The following ELP4 variants were observed in gnomAD, a reference collection of about 807,000 sequenced individuals.
ELP4 encodes the protein elongator complex protein 4.
ELP4 carries 51 observed loss-of-function variants against 48.9 expected under a neutral mutation model. The ratio of observed to expected loss-of-function variants is 1.04; its 90% confidence interval spans 0.83 to 1.32. The LOEUF is 1.32. Ranked by LOEUF, ELP4 falls within the 40% of genes most tolerant of loss-of-function variation. The pLI, the probability that ELP4 is intolerant of heterozygous loss-of-function variation, is 0.00. For missense variants in ELP4, 519 were observed against 514.6 expected (o/e 1.01, Z -0.08); for synonymous variants, 210 against 189.2 (o/e 1.11, Z -0.90).
chr11:31,670,156 C>T (rs1375396776), intron 9 of ELP4, among the ~76,000 whole-genome samples: 1 of 152,064 alleles, frequency 6.6e-6, no homozygotes, highest in Non-Finnish European at 1.5e-5. Context: ...CATTTTTTAG[C>T]TAATCTATAT....
intron 9 of ELP4, among the ~76,000 whole-genome samples, chr11:31,742,447 G>A (rs1419642860): frequency 6.6e-6 from 1 of 152,128 alleles, no homozygotes; most frequent in Non-Finnish European, 1.5e-5. Context: ...ACACATAATT[G>A]TCAGATTCAT....
intron 2 of ELP4, among the ~76,000 whole-genome samples, chr11:31,538,759 C>T (rs529557326): frequency 2.6e-5 from 4 of 152,094 alleles, no homozygotes; most frequent in East Asian, 1.9e-4. Flanking sequence ...TATATTTTCA[C>T]GAGGCATAGT....
chr11:31,772,370 G>A (rs577047215), intron 9 of ELP4, among the ~76,000 whole-genome samples: 10 of 152,108 alleles, frequency 6.6e-5, no homozygotes, highest in East Asian at 3.9e-4. Context: ...TTAGGCCTGC[G>A]TCGACCTCCC....
intron 3 of ELP4, among the ~76,000 whole-genome samples, chr11:31,544,176 G>C (rs548385093): frequency 6.6e-6 from 1 of 152,238 alleles, no homozygotes; most frequent in Non-Finnish European, 1.5e-5. Context: ...TGCACCATGC[G>C]CAAGCCGAAG....
chr11:31,535,352 A>G (rs1203407790), intron 2 of ELP4, among the ~76,000 whole-genome samples: 1 of 151,960 alleles, frequency 6.6e-6, no homozygotes, highest in African/African-American at 2.4e-5. Flanking sequence ...ATTTTATTGA[A>G]TTATTTTTGA....
At chr11:31,563,340 A>T (rs1056735808) in intron 3 of ELP4, among the ~76,000 whole-genome samples, 1 of 152,140 alleles carries the variant, frequency 6.6e-6, no homozygotes, top group African/African-American at 2.4e-5. Flanking sequence ...CTTGGGTTTT[A>T]TTATGCCCTA....
chr11:31,530,796 T>G (rs1240026889), intron 2 of ELP4, among the ~76,000 whole-genome samples: 1 of 152,176 alleles, frequency 6.6e-6, no homozygotes, highest in Non-Finnish European at 1.5e-5. Context: ...GTCACATACT[T>G]TCAGCTCCCT....
intron 9 of ELP4, among the ~76,000 whole-genome samples, chr11:31,759,303 G>A: frequency 6.6e-6 from 1 of 152,028 alleles, no homozygotes; most frequent in East Asian, 1.9e-4. Flanking sequence ...TTTTTCCTTT[G>A]TCCTTAGGTG....
chr11:31,519,348 TAATC>T (rs1456404433), intron 1 of ELP4, among the ~76,000 whole-genome samples: 2 of 152,224 alleles, frequency 1.3e-5, no homozygotes, highest in African/African-American at 2.4e-5. Flanking sequence ...ATTTCTATAA[TAATC>T]TTTGTTGTAC....
intron 9 of ELP4, among the ~76,000 whole-genome samples, chr11:31,771,178 T>G (rs1424074442): frequency 6.6e-6 from 1 of 152,132 alleles, no homozygotes; most frequent in Non-Finnish European, 1.5e-5. Flanking sequence ...AGGCACGAGA[T>G]TAAGAACCAC....
chr11:31,558,453 T>A (rs1419780466), intron 3 of ELP4, among the ~76,000 whole-genome samples: 1 of 152,212 alleles, frequency 6.6e-6, no homozygotes, highest in African/African-American at 2.4e-5. Flanking sequence ...TTAGCATTGA[T>A]GTTTATTCAT....
chr11:31,673,769 A>T (rs964990449), intron 9 of ELP4, among the ~76,000 whole-genome samples: 11 of 152,206 alleles, frequency 7.2e-5, no homozygotes, highest in African/African-American at 2.7e-4. Flanking sequence ...TTTAAAAGAG[A>T]ACACCTGGTA....
chr11:31,545,452 C>T (rs552736222), intron 3 of ELP4, among the ~76,000 whole-genome samples: 336 of 151,990 alleles, frequency 2.2e-3, no homozygotes, highest in African/African-American at 7.5e-3. Flanking sequence ...TAAAAAGAAA[C>T]AAACAAAGCC....
intron 3 of ELP4, 152 bp downstream of exon 3, chr11:31,539,935 A>G (rs1316598250): frequency 4.9e-6 from 3 of 612,236 alleles, no homozygotes; most frequent in African/African-American, 3.8e-5. Context: ...AGTAAAAAGT[A>G]TCAAATTTAT....
At chr11:31,580,338 T>C (rs1957367480) in intron 3 of ELP4, among the ~76,000 whole-genome samples, 2 of 152,194 alleles carry the variant, frequency 1.3e-5, no homozygotes, top group African/African-American at 4.8e-5. Flanking sequence ...TACTGTGAAA[T>C]AGGAGGTTGT....
chr11:31,701,786 CTAATA>C (rs1297161641), intron 9 of ELP4, among the ~76,000 whole-genome samples: 4 of 149,890 alleles, frequency 2.7e-5, no homozygotes, highest in African/African-American at 7.3e-5. Context: ...TTTATTTTAC[CTAATA>C]TAATAAGAGG....
At chr11:31,701,636 G>GT (rs1196302140) in intron 9 of ELP4, among the ~76,000 whole-genome samples, 2 of 150,908 alleles carry the variant, frequency 1.3e-5, no homozygotes, top group African/African-American at 4.9e-5. Context: ...AGCCAGTTAT[G>GT]TTTTTTCCTG....
chr11:31,607,758 C>T (rs925639217), intron 5 of ELP4, among the ~76,000 whole-genome samples: 1 of 152,130 alleles, frequency 6.6e-6, no homozygotes, highest in Non-Finnish European at 1.5e-5. Context: ...TTTATTTTAA[C>T]ATGTTTATCA....
chr11:31,659,933 A>C (rs1009988764), intron 9 of ELP4, among the ~76,000 whole-genome samples: 5 of 152,186 alleles, frequency 3.3e-5, no homozygotes, highest in African/African-American at 7.2e-5. Context: ...TGGAGGTTGC[A>C]GTGAGCCAAG....
Sources: allele counts gnomAD v4.1 joint callset (sites outside exome capture counted in the v4.1 genomes callset), GRCh38; gene constraint gnomAD v4.1.1; transcripts MANE v1.5; gene names NCBI Gene and HGNC (gene_info 2026-07-23, HGNC 2026-07-21).